The following LRRC28 variants were observed in gnomAD, a reference collection of about 807,000 sequenced individuals.
LRRC28 encodes the protein leucine-rich repeat-containing protein 28.
In LRRC28, 39 loss-of-function variants were observed where a neutral mutation model predicts 45.7. The observed-to-expected ratio is 0.85, with a 90% CI of 0.66 to 1.12. The LOEUF (loss-of-function observed/expected upper bound fraction) is 1.12. Ranked by LOEUF, LRRC28 falls within the 50% of genes most tolerant of loss-of-function variation. The pLI is 0.00. For missense variants in LRRC28, 435 were observed against 438.5 expected (o/e 0.99, Z 0.07); for synonymous variants, 206 against 178.8 (o/e 1.15, Z -1.22).
intron 3 of LRRC28, among the ~76,000 whole-genome samples, chr15:99,277,392 A>G (rs1032312172): frequency 6.6e-6 from 1 of 152,054 alleles, no homozygotes; most frequent in South Asian, 2.1e-4. Flanking sequence ...CCTAAATTTA[A>G]CCAATTTTGA....
At chr15:99,287,410 C>G in intron 4 of LRRC28, 116 bp downstream of exon 4, 1 of 718,934 alleles carries the variant, frequency 1.4e-6, no homozygotes, top group Non-Finnish European at 2.2e-6. Flanking sequence ...AAACTTTTTT[C>G]TTCTAATAAG....
intron 9 of LRRC28, among the ~76,000 whole-genome samples, chr15:99,366,919 C>T (rs781626524): frequency 2.0e-5 from 3 of 152,138 alleles, no homozygotes; most frequent in Non-Finnish European, 2.9e-5. Flanking sequence ...TACATAGTCA[C>T]TCAATACTGA....
chr15:99,270,658 A>G (rs375466968), intron 2 of LRRC28, among the ~76,000 whole-genome samples: 10 of 152,166 alleles, frequency 6.6e-5, no homozygotes, highest in South Asian at 4.1e-4. Flanking sequence ...CTATACCACC[A>G]TTTGTTTACC....
chr15:99,313,624 T>C (rs1228060108), intron 5 of LRRC28, among the ~76,000 whole-genome samples: 1 of 152,224 alleles, frequency 6.6e-6, no homozygotes, highest in Non-Finnish European at 1.5e-5. Context: ...TCAGCCCTTT[T>C]AATATTTCTT....
At chr15:99,311,519 A>G (rs150628421) in intron 5 of LRRC28, among the ~76,000 whole-genome samples, 2 of 152,308 alleles carry the variant, frequency 1.3e-5, no homozygotes, top group East Asian at 3.9e-4. Context: ...TGGTCAGGCT[A>G]TATTCTTGTA....
intron 1 of LRRC28, among the ~76,000 whole-genome samples, chr15:99,254,974 G>T (rs577970796): frequency 9.8e-5 from 15 of 152,330 alleles, no homozygotes; most frequent in Middle Eastern, 3.4e-3. Flanking sequence ...TCTGAGTGCA[G>T]TGTTTCTTCT....
chr15:99,306,882 CCTT>C (rs1955203042), intron 5 of LRRC28, among the ~76,000 whole-genome samples: 1 of 152,198 alleles, frequency 6.6e-6, no homozygotes, highest in South Asian at 2.1e-4. Flanking sequence ...TGACATGTTT[CCTT>C]CTTGCTGGTG....
At chr15:99,343,560 C>T (rs1397762197) in intron 6 of LRRC28, among the ~76,000 whole-genome samples, 2 of 152,304 alleles carry the variant, frequency 1.3e-5, no homozygotes, top group East Asian at 1.9e-4. Context: ...GGACACAATA[C>T]AGTACTTTAA....
chr15:99,385,950 G>C, intron 9 of LRRC28, 80 bp from the exon 10 acceptor site: 1 of 1,320,370 alleles, frequency 7.6e-7, no homozygotes, highest in Non-Finnish European at 1.1e-6. Flanking sequence ...TTTTAACAAA[G>C]AAAAAAGTTT....
intron 5 of LRRC28, among the ~76,000 whole-genome samples, chr15:99,319,643 A>G (rs954282983): frequency 4.3e-5 from 6 of 140,718 alleles, no homozygotes; most frequent in Non-Finnish European, 7.5e-5. Flanking sequence ...ACGAGGTAAA[A>G]TGTCAAAACA....
At chr15:99,326,130 G>C (rs564034725) in intron 5 of LRRC28, among the ~76,000 whole-genome samples, 1 of 152,064 alleles carries the variant, frequency 6.6e-6, no homozygotes, top group Non-Finnish European at 1.5e-5. Context: ...CTATTCTATA[G>C]AGGGTGTAAG....
intron 9 of LRRC28, among the ~76,000 whole-genome samples, chr15:99,365,466 T>G (rs911551009): frequency 8.5e-5 from 13 of 152,246 alleles, no homozygotes; most frequent in Non-Finnish European, 1.5e-4. Context: ...CAGGCTGTGC[T>G]CCTTCCCATG....
At chr15:99,364,113 T>C (rs188356517) in intron 9 of LRRC28, among the ~76,000 whole-genome samples, 196 of 152,324 alleles carry the variant, frequency 1.3e-3, no homozygotes, top group Admixed American at 4.8e-3. Context: ...CTCCTTCGTT[T>C]CTTAGTCCAT....
intron 9 of LRRC28, 184 bp downstream of exon 9, chr15:99,363,449 A>G (rs1196339453): frequency 1.1e-4 from 65 of 611,000 alleles, no homozygotes; most frequent in Non-Finnish European, 2.2e-5. Flanking sequence ...ACTTGCCTTT[A>G]TTAATTTTTT....
intron 5 of LRRC28, among the ~76,000 whole-genome samples, chr15:99,291,346 G>A (rs2082116804): frequency 6.6e-6 from 1 of 152,178 alleles, no homozygotes; most frequent in Non-Finnish European, 1.5e-5. Flanking sequence ...CATGTATATA[G>A]GCTTTATTAT....
intron 5 of LRRC28, among the ~76,000 whole-genome samples, chr15:99,328,501 T>C (rs1956056769): frequency 6.6e-6 from 1 of 152,032 alleles, no homozygotes; most frequent in Non-Finnish European, 1.5e-5. Context: ...AGGAGACACA[T>C]GAGTGCCAGG....
chr15:99,386,443 T>C lies in LRRC28; in HGVS notation c.*341T>C. The C allele has an allele frequency of 4.6e-6, 1 of 215,980 alleles. No individual in the cohort carries two copies. Among genetic ancestry groups the C allele is most frequent in the Non-Finnish European group, 9.2e-6 (1 of 109,146 alleles). 13.4% of individuals were successfully genotyped at this position (215,980 alleles called of 1,614,324 possible). A position where few individuals can be genotyped will look rare whatever the true frequency, so the allele number is the denominator to read the frequency against. ...TTGATCATCTAGCCAGATTCCCTTT[T>C]GAACACACATACCTTCAGTGATGCT... On this transcript the variant is annotated 3_prime_UTR_variant, in exon 10 of 10. Transcript: ENST00000301981.
At chr15:99,283,145 G>A (rs1479437846) in intron 3 of LRRC28, among the ~76,000 whole-genome samples, 2 of 151,606 alleles carry the variant, frequency 1.3e-5, no homozygotes, top group Non-Finnish European at 2.9e-5. Context: ...CACCCACTTC[G>A]GCCTCCCAAA....
intron 2 of LRRC28, among the ~76,000 whole-genome samples, chr15:99,261,144 G>A (rs910697624): frequency 3.9e-5 from 6 of 152,188 alleles, no homozygotes; most frequent in Admixed American, 6.5e-5. Context: ...CAAAAGTCCA[G>A]AACTTGGTGA....
Sources: allele counts gnomAD v4.1 joint callset (sites outside exome capture counted in the v4.1 genomes callset), GRCh38; gene constraint gnomAD v4.1.1; transcripts MANE v1.5; gene names NCBI Gene and HGNC (gene_info 2026-07-23, HGNC 2026-07-21).